The following MYO10 variants were observed in gnomAD, a reference collection of about 807,000 sequenced individuals.
The protein encoded by MYO10 is myosin X.
Under a neutral mutation model 257.3 loss-of-function variants are expected in MYO10, and 133 were observed. The ratio of observed to expected loss-of-function variants is 0.52; its 90% CI spans 0.45 to 0.60. The LOEUF (loss-of-function observed/expected upper bound fraction) is 0.60, where lower values mean the gene tolerates loss of function less well. Among genes scored for constraint, MYO10 ranks in the 20% least tolerant of loss-of-function variants. MYO10 has a pLI of 0.00. For synonymous variants in MYO10, 1,104 were observed against 1,028.6 expected (o/e 1.07, Z -1.40); for missense variants, 2,399 against 2,635.7 (o/e 0.91, Z 1.97).
At chr5:16,826,320 C>A (rs1406799262) in intron 2 of MYO10, among the ~76,000 whole-genome samples, 1 of 152,098 alleles carries the variant, frequency 6.6e-6, no homozygotes, top group Admixed American at 6.6e-5. Context: ...GTATTTTCTC[C>A]GTCTGTAAAA....
chr5:16,815,689 T>C (rs1024714852), intron 3 of MYO10, among the ~76,000 whole-genome samples: 8 of 152,212 alleles, frequency 5.3e-5, no homozygotes, highest in African/African-American at 1.9e-4. Context: ...AAATATTTAA[T>C]AATAACAACA....
chr5:16,811,474 A>G (rs1742439492), intron 3 of MYO10, among the ~76,000 whole-genome samples: 1 of 152,192 alleles, frequency 6.6e-6, no homozygotes, highest in South Asian at 2.1e-4. Flanking sequence ...CGCTGCGATG[A>G]GGCCGCATCA....
intron 19 of MYO10, among the ~76,000 whole-genome samples, chr5:16,732,312 C>T (rs1400602447): frequency 2.0e-5 from 3 of 152,132 alleles, no homozygotes; most frequent in African/African-American, 7.2e-5. Context: ...CTGGTGAAGA[C>T]AACAGAAGGT....
At chr5:16,893,213 A>G (rs1745117754) in intron 1 of MYO10, among the ~76,000 whole-genome samples, 1 of 150,026 alleles carries the variant, frequency 6.7e-6, no homozygotes, top group South Asian at 2.1e-4. Context: ...AAAAAAAAAA[A>G]AAGAACTTAC....
At position 16,870,143 on chromosome 5, in the gene MYO10, G is replaced by A. The variant is rs75028705; in HGVS notation, c.120+7466C>T. On this transcript the variant is annotated intron_variant, in intron 2 of 40. Coordinates refer to ENST00000513610, the MANE Select transcript of MYO10 (RefSeq NM_012334.3). ...TAATTCACCTGAGAATTATGATGCC[G>A]CAGTCAGCCCAACTCCTGGCCGCTG... Among the ~76,000 whole-genome samples the A allele has an allele frequency of 6.4e-3, 973 of 151,378 alleles. 57 individuals are homozygous for A. Among genetic ancestry groups the A allele is most frequent in the African/African-American group, 0.023 (928 of 40,864 alleles).
At chr5:16,884,957 T>C (rs1580113726) in intron 1 of MYO10, among the ~76,000 whole-genome samples, 1 of 152,144 alleles carries the variant, frequency 6.6e-6, no homozygotes, top group African/African-American at 2.4e-5. Flanking sequence ...ACCTAGTTAA[T>C]TGAAAGCAGA....
chr5:16,821,053 GTATAATA>G (rs1489686237), intron 2 of MYO10, among the ~76,000 whole-genome samples: 21 of 145,776 alleles, frequency 1.4e-4, no homozygotes, highest in Middle Eastern at 8.1e-3. Context: ...ATACATATAT[GTATAATA>G]TATAATATAT....
At chr5:16,864,617 G>T (rs569230012) in intron 2 of MYO10, among the ~76,000 whole-genome samples, 14 of 152,326 alleles carry the variant, frequency 9.2e-5, no homozygotes, top group African/African-American at 3.1e-4. Context: ...CTGCTTGAGT[G>T]AGAGTCTCCC....
At chr5:16,810,809 G>C (rs538238595) in intron 3 of MYO10, among the ~76,000 whole-genome samples, 1 of 151,890 alleles carries the variant, frequency 6.6e-6, no homozygotes, top group African/African-American at 2.4e-5. Context: ...AGTGGCTCAC[G>C]TCTGTAATCC....
At chr5:16,742,616 T>C (rs554511076) in intron 19 of MYO10, among the ~76,000 whole-genome samples, 87 of 151,570 alleles carry the variant, frequency 5.7e-4, no homozygotes, top group Admixed American at 1.8e-3. Context: ...GGTCAGGAGT[T>C]CGAGACCAGC....
intron 1 of MYO10, among the ~76,000 whole-genome samples, chr5:16,922,387 G>A (rs1464198450): frequency 6.6e-6 from 1 of 152,190 alleles, no homozygotes; most frequent in Non-Finnish European, 1.5e-5. Flanking sequence ...TCCAGCTTGT[G>A]ATAGCAAAGT....
chr5:16,926,281 C>A (rs534310308), intron 1 of MYO10, among the ~76,000 whole-genome samples: 32 of 152,126 alleles, frequency 2.1e-4, no homozygotes, highest in Non-Finnish European at 4.4e-4. Flanking sequence ...TTCTTAAAAT[C>A]AATAATCTAT....
intron 1 of MYO10, among the ~76,000 whole-genome samples, chr5:16,919,168 A>G (rs1745909542): frequency 6.6e-6 from 1 of 152,140 alleles, no homozygotes; most frequent in South Asian, 2.1e-4. Context: ...ACTTGAGGTC[A>G]GGAGTTCAAG....
chr5:16,881,166 G>A (rs1285419139), intron 1 of MYO10, among the ~76,000 whole-genome samples: 6 of 152,066 alleles, frequency 3.9e-5, no homozygotes. Flanking sequence ...TCATTAAAAA[G>A]GATTTCACAC....
chr5:16,772,047 C>T (rs1227006467), intron 9 of MYO10, among the ~76,000 whole-genome samples: 1 of 151,746 alleles, frequency 6.6e-6, no homozygotes, highest in African/African-American at 2.4e-5. Flanking sequence ...TACAGAGTTA[C>T]CTTAATTAAC....
At chr5:16,766,227 A>G (rs374474952) in intron 10 of MYO10, 29 bp from the exon 11 acceptor site, 25 of 1,553,868 alleles carry the variant, frequency 1.6e-5, no homozygotes, top group Middle Eastern at 1.7e-4. Flanking sequence ...AGGTGAATGA[A>G]CCCACCGCCC....
intron 3 of MYO10, 40 bp from the exon 4 acceptor site, chr5:16,794,873 C>G: frequency 1.5e-6 from 2 of 1,365,688 alleles, no homozygotes; most frequent in Non-Finnish European, 1.9e-6. Context: ...TCACTTCTAA[C>G]CCAGGCCACT....
intron 3 of MYO10, among the ~76,000 whole-genome samples, chr5:16,800,760 G>A (rs966947588): frequency 5.3e-5 from 8 of 152,252 alleles, no homozygotes; most frequent in African/African-American, 1.7e-4. Flanking sequence ...GGAAGGAAGC[G>A]CCAAATCTCC....
At chr5:16,900,516 C>G (rs537783480) in intron 1 of MYO10, among the ~76,000 whole-genome samples, 1 of 152,248 alleles carries the variant, frequency 6.6e-6, no homozygotes, top group South Asian at 2.1e-4. Flanking sequence ...ATTCCCACCA[C>G]CTCCCAGCAG....
Sources: gnomAD v4.1 joint callset for allele counts (sites outside exome capture counted in the v4.1 genomes callset) on GRCh38, gnomAD v4.1.1 for gene constraint, MANE v1.5 for transcripts, NCBI Gene and HGNC (gene_info 2026-07-23, HGNC 2026-07-21) for gene names.